The following CCNL1 variants were observed in gnomAD, a reference collection of about 807,000 sequenced individuals.
The protein encoded by CCNL1 is cyclin-L1.
Under a neutral mutation model 60.6 loss-of-function variants are expected in CCNL1, and 13 were observed. The ratio of observed to expected loss-of-function variants is 0.21; its 90% CI spans 0.14 to 0.34. The LOEUF (loss-of-function observed/expected upper bound fraction) is 0.34. CCNL1 is among the 10% of genes least tolerant of loss of function. The probability of loss-of-function intolerance (pLI) is 1.00; values close to 1 mark genes in which losing one functional copy is unlikely to be tolerated. For missense variants in CCNL1, 481 were observed against 664.3 expected (o/e 0.72, Z 3.03); for synonymous variants, 270 against 244.3 (o/e 1.10, Z -0.98).
chr3:157,145,995 C>T (rs1737773754), downstream of CCNL1, among the ~76,000 whole-genome samples: 1 of 152,118 alleles, frequency 6.6e-6, no homozygotes, highest in African/African-American at 2.4e-5. Context: ...GGTAGTATGG[C>T]ATTACTTTTA....
intron 5 of CCNL1, chr3:157,151,478 A>G (rs1251701290): frequency 1.0e-6 from 1 of 985,758 alleles, no homozygotes; most frequent in Non-Finnish European, 1.2e-6. Flanking sequence ...TGCTTCTAAT[A>G]TTATTACCCG....
downstream of CCNL1, among the ~76,000 whole-genome samples, chr3:157,146,032 T>C (rs1237307337): frequency 3.9e-5 from 6 of 152,178 alleles, no homozygotes; most frequent in Admixed American, 3.9e-4. Flanking sequence ...TATATGGTTA[T>C]GTTTTAAAAA....
In CCNL1 at chr3:157,147,853, C is replaced by T. The variant is rs985879025; in HGVS notation, c.*388G>A. The stretch of plus-strand genomic sequence containing the variant: ...TTGTAAAAATCTTTACACATGCAGA[C>T]AAACCAGTGTTAAGAAAGTATTCAC... On this transcript the variant is annotated 3_prime_UTR_variant, in exon 11 of 11. Coordinates refer to ENST00000295926, the MANE Select transcript of CCNL1 (RefSeq NM_020307.4). 1.9e-5 allele frequency: 19 copies of T among 991,882 alleles called. No homozygotes were observed. Among genetic ancestry groups the T allele is most frequent in the African/African-American group, 7.0e-5 (4 of 57,504 alleles). The allele number at this position is 991,882 out of a possible 1,614,324, so 61.4% of individuals were successfully genotyped here.
At chr3:157,156,514 GTTTA>G (rs1290227803) in intron 3 of CCNL1, among the ~76,000 whole-genome samples, 1 of 152,172 alleles carries the variant, frequency 6.6e-6, no homozygotes, top group Admixed American at 6.5e-5. Context: ...AAATTTAGCT[GTTTA>G]TTGTCAACTT....
At chr3:157,159,379 CT>C (rs770331350) in intron 2 of CCNL1, 25 bp downstream of exon 2, 2 of 1,611,720 alleles carry the variant, frequency 1.2e-6, no homozygotes, top group African/African-American at 1.3e-5. Context: ...GAAGAAATCC[CT>C]TTTACCCGCC....
intron 9 of CCNL1, 29 bp downstream of exon 9, chr3:157,149,456 A>G (rs772847291): frequency 5.0e-6 from 8 of 1,610,140 alleles, no homozygotes; most frequent in South Asian, 1.1e-5. Flanking sequence ...AGATTCCTCA[A>G]GCCAGTTTTC....
intron 2 of CCNL1, 138 bp downstream of exon 2, chr3:157,159,256 AAAGGTTTCCAC>A: frequency 1.4e-6 from 1 of 727,286 alleles, no homozygotes; most frequent in Non-Finnish European, 2.3e-6. Context: ...ACCACATTCT[AAAGGTTTCCAC>A]TTCCTGGCGA....
At chr3:157,158,831 G>A in intron 3 of CCNL1, 35 bp downstream of exon 3, 1 of 1,323,596 alleles carries the variant, frequency 7.6e-7, no homozygotes, top group Non-Finnish European at 1.1e-6. Context: ...TACAGCAGTA[G>A]CAAGAGATAC....
Position 157,147,748 on chromosome 3 carries a change from T to C in CCNL1, c.*493A>G. On this transcript the variant is annotated 3_prime_UTR_variant, in exon 11 of 11. Coordinates refer to ENST00000295926, the MANE Select transcript of CCNL1 (RefSeq NM_020307.4). ...AAAACCAGTACAGCCATTTTGCTATTAAAATTTTCCTTTTTAATAATTTAT... is the reference window on the plus strand; with the variant it reads ...AAAACCAGTACAGCCATTTTGCTATCAAAATTTTCCTTTTTAATAATTTAT... 2 of 983,714 alleles carry C rather than the reference T, an allele frequency of 2.0e-6. No homozygotes were observed. Among genetic ancestry groups the C allele is most frequent in the South Asian group, 9.4e-5 (2 of 21,248 alleles). The allele number at this position is 983,714 out of a possible 1,614,324, so 60.9% of individuals were successfully genotyped here. A position where few individuals can be genotyped will look rare whatever the true frequency, so the allele number is the denominator to read the frequency against.
At chr3:157,151,701 TA>T in intron 5 of CCNL1, 1 of 1,006,434 alleles carries the variant, frequency 9.9e-7, no homozygotes, top group Non-Finnish European at 1.2e-6. Context: ...AAGTATACAT[TA>T]AATACATAGG....
intron 5 of CCNL1, 195 bp from the exon 6 acceptor site, chr3:157,150,576 C>T (rs1343965047): frequency 2.3e-6 from 3 of 1,302,142 alleles, no homozygotes; most frequent in South Asian, 4.6e-5. Context: ...GGACCATATG[C>T]GATTTTCCTA....
At chr3:157,149,065 C>T (rs1331285755) in intron 10 of CCNL1, 2 of 549,728 alleles carry the variant, frequency 3.6e-6, no homozygotes, top group Non-Finnish European at 6.4e-6. Flanking sequence ...TTGTGGGTAG[C>T]TCCTACACTT....
At chr3:157,155,517 T>C (rs1738546391) in intron 3 of CCNL1, among the ~76,000 whole-genome samples, 1 of 152,198 alleles carries the variant, frequency 6.6e-6, no homozygotes, top group South Asian at 2.1e-4. Context: ...TTAATCCTGC[T>C]ATTTATTACC....
chr3:157,152,726 T>C (rs1283208130), intron 4 of CCNL1: 2 of 1,151,060 alleles, frequency 1.7e-6, no homozygotes, highest in South Asian at 2.1e-5. Context: ...TACACATTTA[T>C]TCCTTGGAAT....
chr3:157,155,331 T>C (rs1329042499), intron 3 of CCNL1, among the ~76,000 whole-genome samples: 4 of 152,184 alleles, frequency 2.6e-5, no homozygotes, highest in Non-Finnish European at 2.9e-5. Context: ...CATTTGTTCT[T>C]GCAATTACAC....
chr3:157,159,709 G>A, intron 1 of CCNL1, 83 bp downstream of exon 1: 3 of 1,281,674 alleles, frequency 2.3e-6, no homozygotes, highest in Non-Finnish European at 3.2e-6. Context: ...CCACCCTCCC[G>A]GGGCACGGTG....
downstream of CCNL1, chr3:157,146,630 T>TAA (rs78787088): frequency 2.5e-4 from 85 of 342,468 alleles, no homozygotes; most frequent in Middle Eastern, 6.8e-4. Context: ...AAAAAAAAGT[T>TAA]AAAAAAAAAA....
At chr3:157,143,362 TG>T (rs1737700019), downstream of CCNL1, among the ~76,000 whole-genome samples, 1 of 152,304 alleles carries the variant, frequency 6.6e-6, no homozygotes, top group Middle Eastern at 3.4e-3. Flanking sequence ...CAGATATTCA[TG>T]GAAGGGTGAT....
downstream of CCNL1, among the ~76,000 whole-genome samples, chr3:157,145,437 C>CAAAAAAAAAAAAAAAAAA (rs56894231): frequency 1.9e-3 from 47 of 24,266 alleles, 3 homozygotes; most frequent in East Asian, 6.7e-3. Flanking sequence ...GACTTCATCT[C>CAAAAAAAAAAAAAAAAAA]AAAAAAAAAA....
Sources: gnomAD v4.1 joint callset for allele counts (sites outside exome capture counted in the v4.1 genomes callset) on GRCh38, gnomAD v4.1.1 for gene constraint, MANE v1.5 for transcripts, NCBI Gene and HGNC (gene_info 2026-07-23, HGNC 2026-07-21) for gene names.